TNS1: variants seen among roughly 807,000 people sequenced by gnomAD.
The protein encoded by TNS1 is tensin-1.
In TNS1, 62 loss-of-function variants were observed where a neutral mutation model predicts 168.6. That is an observed-to-expected ratio of 0.37 (90% confidence interval 0.30 to 0.45). TNS1 has a LOEUF of 0.45. TNS1 is among the 20% of genes least tolerant of loss of function. TNS1 has a pLI of 1.00. For synonymous variants in TNS1, 934 were observed against 933.2 expected (o/e 1.00, Z -0.02); for missense variants, 2,240 against 2,339.4 (o/e 0.96, Z 0.88).
chr2:217,904,966 T>A (rs1008332933), intron 6 of TNS1, among the ~76,000 whole-genome samples: 7 of 152,092 alleles, frequency 4.6e-5, no homozygotes, highest in Admixed American at 6.5e-5. Flanking sequence ...AGGGATGGAG[T>A]GGCATTCACC....
chr2:218,008,671 C>T (rs192260894), intron 1 of TNS1, among the ~76,000 whole-genome samples: 24 of 152,320 alleles, frequency 1.6e-4, no homozygotes, highest in Non-Finnish European at 3.2e-4. Context: ...TTCCCCACTG[C>T]GGAACAGCAG....
At chr2:217,980,020 G>A (rs942968215) in intron 2 of TNS1, among the ~76,000 whole-genome samples, 5 of 152,136 alleles carry the variant, frequency 3.3e-5, no homozygotes, top group Non-Finnish European at 7.4e-5. Flanking sequence ...CCACACTAAG[G>A]CTTCTTCTGA....
At chr2:217,992,538 C>T (rs1252396323) in intron 1 of TNS1, 1 of 152,232 alleles carries the variant, frequency 6.6e-6, no homozygotes, top group Non-Finnish European at 1.5e-5. Flanking sequence ...TCCTGAGTGA[C>T]AGAGACTAAG....
At chr2:217,938,385 ATTGTGGCCAGGAGCCCTAC>A (rs1290918584) in intron 3 of TNS1, among the ~76,000 whole-genome samples, 1 of 152,148 alleles carries the variant, frequency 6.6e-6, no homozygotes, top group Non-Finnish European at 1.5e-5. Flanking sequence ...ACAGAGAGGG[ATTGTGGCCAGGAGCCCTAC>A]CCTTGCACGG....
At position 217,848,607 on chromosome 2, in the gene TNS1, C is replaced by A. The variant is rs1176830699; in HGVS notation, c.1910G>T (p.Ser637Ile). ...DDELPNQDGH[S>I]AGSMGTLSSL... ...AGAGAGTGTGCCCATGCTGCCCGCA[C>A]TGTGACCATCCTGGTTTGGCAATTC... Residue 637 changes from serine (S) to isoleucine (I), a missense_variant, in exon 19 of 33, where the codon AGT becomes ATT. Coordinates refer to ENST00000682258, the MANE Select transcript of TNS1 (RefSeq NM_001387777.1). The A allele has an allele frequency of 6.2e-7, 1 of 1,614,232 alleles. No homozygotes were observed. The highest frequency in any genetic ancestry group is 2.2e-5 in the East Asian group (1 of 44,882).
chr2:218,022,983 A>G (rs1450403295), intron 1 of TNS1, among the ~76,000 whole-genome samples: 1 of 152,180 alleles, frequency 6.6e-6, no homozygotes, highest in Admixed American at 6.5e-5. Flanking sequence ...CCAACCTCAA[A>G]GAAGGTGACT....
intron 3 of TNS1, among the ~76,000 whole-genome samples, chr2:217,939,621 T>C (rs976877483): frequency 6.6e-6 from 1 of 152,142 alleles, no homozygotes; most frequent in Non-Finnish European, 1.5e-5. Context: ...AGGGCCAGAA[T>C]TCCCCCCAGC....
intron 18 of TNS1, among the ~76,000 whole-genome samples, chr2:217,851,405 G>T (rs796321727): frequency 6.3e-5 from 9 of 143,958 alleles, no homozygotes; most frequent in African/African-American, 2.3e-4. Context: ...CAGAGAACTG[G>T]CACAAAGATG....
At chr2:217,929,688 C>T (rs1956216821) in intron 3 of TNS1, among the ~76,000 whole-genome samples, 1 of 144,886 alleles carries the variant, frequency 6.9e-6, no homozygotes, top group African/African-American at 2.6e-5. Flanking sequence ...ACCCCTCCCT[C>T]AGCCCTCCAC....
At chr2:217,908,963 C>A (rs1416266950) in intron 4 of TNS1, among the ~76,000 whole-genome samples, 2 of 152,106 alleles carry the variant, frequency 1.3e-5, no homozygotes, top group African/African-American at 4.8e-5. Context: ...CAGCCCTAAT[C>A]CTAACCCACT....
chr2:217,836,199 C>G lies in TNS1; in HGVS notation c.3020G>C (p.Arg1007Pro). 6.2e-7 allele frequency: 1 copy of G among 1,610,116 alleles called. No homozygotes were observed. The highest frequency in any genetic ancestry group is 1.1e-5 in the South Asian group (1 of 90,876). ...VAHRVAGVQA[R>P]EKQPAEPPAP... ...TGGGGGCTCTGCAGGCTGCTTCTCC[C>G]GAGCCTGTACCCCTGGGAGGAAAGC... is the stretch of plus-strand genomic sequence containing the variant. Residue 1007 changes from arginine (R) to proline (P), a missense_variant, in exon 20 of 33, where the codon CGG becomes CCG. Transcript: ENST00000682258.
intron 3 of TNS1, among the ~76,000 whole-genome samples, chr2:217,949,136 G>A (rs1050540464): frequency 3.9e-5 from 6 of 152,140 alleles, no homozygotes; most frequent in East Asian, 1.9e-4. Flanking sequence ...GTTCCAGCCC[G>A]ACTCAGCCTC....
chr2:217,809,560 G>GGTGC (rs1307632944), intron 30 of TNS1, among the ~76,000 whole-genome samples: 1,481 of 57,756 alleles, frequency 0.026, 603 homozygotes, highest in African/African-American at 0.066. Flanking sequence ...TGGATGGATG[G>GGTGC]ATGGATGGAT....
At chr2:218,030,862 AGT>A (rs1016058217) in intron 1 of TNS1, among the ~76,000 whole-genome samples, 2 of 151,954 alleles carry the variant, frequency 1.3e-5, no homozygotes, top group Admixed American at 6.6e-5. Context: ...TGTGTGTGTC[AGT>A]GTGTGTGTGA....
chr2:217,919,631 G>A (rs570153737), intron 4 of TNS1, among the ~76,000 whole-genome samples: 30 of 152,352 alleles, frequency 2.0e-4, no homozygotes, highest in Admixed American at 1.8e-3. Context: ...CCTCTCTACA[G>A]CCCACAACTC....
At chr2:217,836,830 C>T (rs1463236452) in intron 19 of TNS1, among the ~76,000 whole-genome samples, 1 of 152,150 alleles carries the variant, frequency 6.6e-6, no homozygotes, top group African/African-American at 2.4e-5. Flanking sequence ...AGCTCCCCGC[C>T]CCCTTTTCCC....
In TNS1 at chr2:217,986,632, A is replaced by C. The variant is rs570700156; in HGVS notation, c.148+4310T>G. ...TGTGGGAAGCCGACTATTTGGACTGAGGAACTCCTACACATCCCTCAAGAC... is the reference window on the plus strand; with the variant it reads ...TGTGGGAAGCCGACTATTTGGACTGCGGAACTCCTACACATCCCTCAAGAC... On this transcript the variant is annotated intron_variant, in intron 2 of 32. Coordinates refer to ENST00000682258, the MANE Select transcript of TNS1 (RefSeq NM_001387777.1). The surrounding 1 kb of genome is among the most constrained non-coding windows in gnomAD (Gnocchi z 4.7). 2.0e-5 allele frequency: 3 copies of C among 152,320 alleles called. No individual in the cohort carries two copies. The highest frequency in any genetic ancestry group is 2.0e-4 in the Admixed American group (3 of 15,296). The allele number at this position is 152,320 out of a possible 1,614,324, so 9.4% of individuals were successfully genotyped here.
chr2:217,818,197 GC>G lies in TNS1; in HGVS notation c.4134del (p.His1379ThrfsTer18). The G allele has an allele frequency of 6.2e-7, 1 of 1,613,894 alleles. No individual in the cohort carries two copies. The highest frequency in any genetic ancestry group is 8.5e-7 in the Non-Finnish European group (1 of 1,179,906). ...ATTPGSPSLG[R>X]HPGAHQGNLA... ...AGGTTGCCTTGGTGAGCCCCAGGGT[GC>G]CGGCCCAGGCTGGGACTCCCCGGGG... On this transcript the variant is annotated frameshift_variant, in exon 24 of 33. Coordinates refer to ENST00000682258, the MANE Select transcript of TNS1 (RefSeq NM_001387777.1). LOFTEE classifies it high-confidence loss of function.
intron 3 of TNS1, among the ~76,000 whole-genome samples, chr2:217,949,745 A>AAAAAG (rs1553619243): frequency 1.3e-5 from 2 of 152,260 alleles, no homozygotes; most frequent in Non-Finnish European, 2.9e-5. Context: ...GGAACAAAAA[A>AAAAAG]AAAAGAAAAG....
Sources: allele counts gnomAD v4.1 joint callset (sites outside exome capture counted in the v4.1 genomes callset), GRCh38; gene constraint gnomAD v4.1.1; non-coding constraint Gnocchi (gnomAD v3.1); transcripts MANE v1.5; gene names NCBI Gene and HGNC (gene_info 2026-07-23, HGNC 2026-07-21).